DPP6: variants seen among roughly 807,000 people sequenced by gnomAD.
The protein encoded by DPP6 is A-type potassium channel modulatory protein DPP6.
DPP6 carries 69 observed loss-of-function variants against 122.6 expected under a neutral mutation model. That is an observed-to-expected ratio of 0.56 (90% CI 0.46 to 0.69). The LOEUF (loss-of-function observed/expected upper bound fraction) is 0.69. Among genes scored for constraint, DPP6 ranks in the 30% least tolerant of loss-of-function variants. The pLI is 0.00. For synonymous variants in DPP6, 418 were observed against 433.1 expected, an observed-to-expected ratio of 0.97 and a Z score of 0.43; for missense variants, 928 against 1,116.9, an observed-to-expected ratio of 0.83 and a Z score of 2.41.
At chr7:153,813,626 GT>G in the DPP6 span, among the ~76,000 whole-genome samples, 1 of 152,022 alleles carries the variant, frequency 6.6e-6, no homozygotes, top group East Asian at 1.9e-4. Flanking sequence ...GGTTGAACTA[GT>G]TTACAGTCCC....
chr7:154,553,361 T>C (rs1829773575), intron 4 of DPP6, among the ~76,000 whole-genome samples: 1 of 152,122 alleles, frequency 6.6e-6, no homozygotes. Context: ...ATTCAGAAAC[T>C]GAAATGGGGA....
chr7:153,941,642 T>TG lies in DPP6; in HGVS notation c.51+53912dup, dbSNP rs1287845210. Among the ~76,000 whole-genome samples the TG allele has an allele frequency of 2.6e-5, 4 of 152,216 alleles. No homozygotes were observed. The East Asian group carries it at 7.7e-4, about 29-fold the overall frequency. On this transcript the variant is annotated intron_variant, in intron 1 of 25. Transcript: ENST00000404039. Reference sequence around the variant, plus strand: ...GCAGCCTCAGCTGTCTCTTGGCCTCTGGGGTCCATGCTGCAGCTCTGAGTC... The same window carrying TG: ...GCAGCCTCAGCTGTCTCTTGGCCTCTGGGGGTCCATGCTGCAGCTCTGAGTC...
chr7:154,780,381 T>G (rs891276226), intron 10 of DPP6, among the ~76,000 whole-genome samples: 3 of 152,210 alleles, frequency 2.0e-5, no homozygotes, highest in African/African-American at 7.2e-5. Context: ...TGGCCTGTGT[T>G]TGAAAGGGCA....
chr7:154,508,851 C>T lies in DPP6; in HGVS notation c.458-31681C>T, dbSNP rs1028248965. Among the ~76,000 whole-genome samples, 5 of 152,242 alleles carry T rather than the reference C, an allele frequency of 3.3e-5. 1 individual carries two copies. The highest frequency in any genetic ancestry group is 1.5e-5 in the Non-Finnish European group (1 of 68,022). On this transcript the variant is annotated intron_variant, in intron 3 of 25. Transcript: ENST00000377770. The stretch of plus-strand genomic sequence containing the variant: ...TAATATAATAATGCATGTGAAAATG[C>T]TTATAATCTGGTAATGTGGCATAAA...
chr7:154,421,661 TG>T (rs1554544469), intron 1 of DPP6, among the ~76,000 whole-genome samples: 3 of 23,034 alleles, frequency 1.3e-4, no homozygotes, highest in African/African-American at 2.4e-4. Context: ...AAGAGGGGAT[TG>T]GAGACTGGAT....
chr7:154,277,718 T>TC (rs535717531), intron 1 of DPP6, among the ~76,000 whole-genome samples: 2 of 152,170 alleles, frequency 1.3e-5, no homozygotes, highest in South Asian at 4.1e-4. Flanking sequence ...TGAGCCAGGA[T>TC]CACAGCACTG....
rs982413127 is a variant in DPP6, at chr7:154,618,311, A to C, written c.628-19510A>C. The stretch of plus-strand genomic sequence containing the variant: ...AGCTCAGCAGAGATGCTTCAGGATG[A>C]GATTAGGCTCACTGAGCGGGTGAAC... On this transcript the variant is annotated intron_variant, in intron 5 of 25. Transcript: ENST00000377770. This position sits in a 1 kb window ranked among gnomAD's most constrained non-coding sequence, Gnocchi z 4.1. 1.7e-4 allele frequency among the ~76,000 whole-genome samples: 26 copies of C among 152,176 alleles called. No individual in the cohort carries two copies. Among genetic ancestry groups the C allele is most frequent in the African/African-American group, 6.0e-4 (25 of 41,512 alleles).
chr7:154,392,401 A>T (rs1306452996), intron 1 of DPP6, among the ~76,000 whole-genome samples: 1 of 152,180 alleles, frequency 6.6e-6, no homozygotes, highest in Non-Finnish European at 1.5e-5. Context: ...TTTCTTTTTA[A>T]ACCCACTTTA....
the DPP6 span, among the ~76,000 whole-genome samples, chr7:153,800,018 T>G: frequency 1.9e-4 from 29 of 152,070 alleles, no homozygotes; most frequent in African/African-American, 7.0e-4. Flanking sequence ...GTATGGAGGG[T>G]TCTCAAAAAC....
intron 1 of DPP6, among the ~76,000 whole-genome samples, chr7:153,889,779 C>T (rs1799107115): frequency 6.6e-6 from 1 of 152,190 alleles, no homozygotes; most frequent in Non-Finnish European, 1.5e-5. Flanking sequence ...GAGAATTCTA[C>T]AGCAACCCAT....
chr7:153,928,206 T>A (rs1029561348), intron 1 of DPP6, among the ~76,000 whole-genome samples: 5 of 149,700 alleles, frequency 3.3e-5, no homozygotes, highest in Non-Finnish European at 7.4e-5. Flanking sequence ...CCAGTTTTCT[T>A]TTCTTTTTTT....
At chr7:154,791,269 AAAAT>A (rs1325502992) in intron 10 of DPP6, among the ~76,000 whole-genome samples, 1 of 151,002 alleles carries the variant, frequency 6.6e-6, no homozygotes, top group East Asian at 1.9e-4. Context: ...AATAAAAATA[AAAAT>A]AAATAAATAA....
At chr7:154,765,827 C>G (rs1304301051) in intron 8 of DPP6, among the ~76,000 whole-genome samples, 1 of 152,162 alleles carries the variant, frequency 6.6e-6, no homozygotes, top group Non-Finnish European at 1.5e-5. Context: ...CCAAGTGATT[C>G]ATTTTGTTCC....
intron 1 of DPP6, among the ~76,000 whole-genome samples, chr7:153,889,077 G>C (rs2128992493): frequency 6.6e-6 from 1 of 152,322 alleles, no homozygotes; most frequent in East Asian, 1.9e-4. Context: ...TCTGGACGGA[G>C]GTGTGAGTCT....
intron 1 of DPP6, among the ~76,000 whole-genome samples, chr7:154,113,452 A>G (rs1366119477): frequency 6.6e-6 from 1 of 151,504 alleles, no homozygotes; most frequent in Non-Finnish European, 1.5e-5. Context: ...ACACACACCT[A>G]CATACATATA....
chr7:154,362,123 A>G (rs1237865822), intron 1 of DPP6, among the ~76,000 whole-genome samples: 1 of 152,250 alleles, frequency 6.6e-6, no homozygotes, highest in Non-Finnish European at 1.5e-5. Flanking sequence ...CCTTAAAAAC[A>G]CATAAAGTAA....
chr7:153,775,875 G>T, the DPP6 span, among the ~76,000 whole-genome samples: 3 of 152,184 alleles, frequency 2.0e-5, no homozygotes, highest in South Asian at 6.2e-4. Context: ...AATATTTACA[G>T]GATCTGTATG....
At position 154,705,694 on chromosome 7, in the gene DPP6, C is replaced by T. The variant is rs3807249; in HGVS notation, c.763-22073C>T. ...CAGGGCTCCCAGACAGCCCCTGAGT[C>T]ACAGGCATAGGGGAGAGATGGCCTC... is the stretch of plus-strand genomic sequence containing the variant. On this transcript the variant is annotated intron_variant, in intron 7 of 25. Coordinates refer to ENST00000377770, the MANE Select transcript of DPP6 (RefSeq NM_130797.4). Among the ~76,000 whole-genome samples, 3,341 of 152,330 alleles carry T rather than the reference C, an allele frequency of 0.022. 215 individuals are homozygous for T. In the East Asian group the frequency reaches 0.23, roughly 10 times the overall value.
chr7:153,812,993 G>T, the DPP6 span, among the ~76,000 whole-genome samples: 4 of 152,086 alleles, frequency 2.6e-5, no homozygotes, highest in Non-Finnish European at 2.9e-5. Flanking sequence ...CTGGAATCCT[G>T]CATCAGAGTG....
Sources: allele counts gnomAD v4.1 joint callset (sites outside exome capture counted in the v4.1 genomes callset), GRCh38; gene constraint gnomAD v4.1.1; non-coding constraint Gnocchi (gnomAD v3.1); transcripts MANE v1.5; gene names NCBI Gene and HGNC (gene_info 2026-07-23, HGNC 2026-07-21).